The following GANC variants were observed in gnomAD, a reference collection of about 807,000 sequenced individuals.
GANC encodes neutral alpha-glucosidase C.
Under a neutral mutation model 124.2 loss-of-function variants are expected in GANC, and 117 were observed. The ratio of observed to expected loss-of-function variants is 0.94; its 90% CI spans 0.81 to 1.10. The LOEUF (loss-of-function observed/expected upper bound fraction) is 1.10, where lower values mean the gene tolerates loss of function less well. GANC is among the 50% of genes least tolerant of loss of function. GANC has a pLI of 0.00. For synonymous variants in GANC, 377 were observed against 376.8 expected (o/e 1.00, Z -0.01); for missense variants, 1,140 against 1,095.0 (o/e 1.04, Z -0.58).
chr15:42,296,721 A>G (rs1433158552), intron 5 of GANC, among the ~76,000 whole-genome samples: 1 of 152,118 alleles, frequency 6.6e-6, no homozygotes. Flanking sequence ...GGATTCCCAC[A>G]TATGTATGAA....
intron 12 of GANC, among the ~76,000 whole-genome samples, chr15:42,327,093 A>T (rs1022539915): frequency 1.3e-5 from 2 of 152,086 alleles, no homozygotes; most frequent in African/African-American, 4.8e-5. Context: ...TCCTTGGGCT[A>T]TATTAGGCCA....
At position 42,276,369 on chromosome 15, in the gene GANC, TA is replaced by T; in HGVS notation, c.56del (p.Asn19ThrfsTer59). On this transcript the variant is annotated frameshift_variant, in exon 2 of 24. Transcript: ENST00000318010. LOFTEE classifies it high-confidence loss of function. ...EISLEDEAVD[K>X]NIFRDCNKIA... Reference sequence around the variant, plus strand: ...TTAGTCTTGAAGATGAAGCTGTAGATAAAAACATTTTCAGAGACTGTAACAA... The same window carrying T: ...TTAGTCTTGAAGATGAAGCTGTAGATAAAACATTTTCAGAGACTGTAACAA... 3 of 1,459,392 alleles carry T rather than the reference TA, an allele frequency of 2.1e-6. No individual in the cohort carries two copies. The highest frequency in any genetic ancestry group is 2.9e-6 in the Non-Finnish European group (3 of 1,041,916). The allele number at this position is 1,459,392 out of a possible 1,614,324, so 90.4% of individuals were successfully genotyped here. A position where few individuals can be genotyped will look rare whatever the true frequency, so the allele number is the denominator to read the frequency against.
intron 5 of GANC, among the ~76,000 whole-genome samples, chr15:42,296,829 C>CA (rs768694871): frequency 1.1e-4 from 17 of 149,364 alleles, no homozygotes; most frequent in Non-Finnish European, 2.2e-4. Flanking sequence ...ATTTTTCACT[C>CA]AAATATTTTT....
At chr15:42,300,572 A>G (rs1331171848) in intron 6 of GANC, among the ~76,000 whole-genome samples, 1 of 152,230 alleles carries the variant, frequency 6.6e-6, no homozygotes, top group East Asian at 1.9e-4. Context: ...CAGAAATACC[A>G]TTTGGCCCAG....
chr15:42,287,395 CCTGT>C (rs1374943898), intron 3 of GANC, among the ~76,000 whole-genome samples: 1 of 152,126 alleles, frequency 6.6e-6, no homozygotes, highest in Non-Finnish European at 1.5e-5. Context: ...TCAGTTTATG[CCTGT>C]CTTTCAGTGT....
rs998364074 is a variant in GANC, at chr15:42,274,276, A to G, written c.-206A>G. ...ACAAATTTGCCAAATAAATCATTGTAGAAACGCTAGTTTGGGCCTGAAAAA... is the reference window on the plus strand; with the variant it reads ...ACAAATTTGCCAAATAAATCATTGTGGAAACGCTAGTTTGGGCCTGAAAAA... On this transcript the variant is annotated 5_prime_UTR_variant, in exon 1 of 24. Transcript: ENST00000318010. The G allele has an allele frequency of 3.3e-6, 2 of 602,276 alleles. No individual in the cohort carries two copies. The highest frequency in any genetic ancestry group is 5.9e-6 in the Non-Finnish European group (2 of 338,446). The allele number at this position is 602,276 out of a possible 1,614,324, so 37.3% of individuals were successfully genotyped here. A position where few individuals can be genotyped will look rare whatever the true frequency, so the allele number is the denominator to read the frequency against.
intron 3 of GANC, 34 bp from the exon 4 acceptor site, chr15:42,287,657 C>T: frequency 6.3e-7 from 1 of 1,590,690 alleles, no homozygotes; most frequent in Non-Finnish European, 8.5e-7. Context: ...ACTTGGGTAA[C>T]CTGTTGAAGG....
chr15:42,334,214 T>C (rs982419025), intron 15 of GANC, among the ~76,000 whole-genome samples: 1 of 151,716 alleles, frequency 6.6e-6, no homozygotes, highest in Non-Finnish European at 1.5e-5. Context: ...CAGGCTGGAA[T>C]GCAATGGCAT....
At chr15:42,351,180 A>G (rs181659214) in intron 22 of GANC, 149 bp from the exon 23 acceptor site, 200 of 579,638 alleles carry the variant, frequency 3.5e-4, no homozygotes, top group Middle Eastern at 3.2e-3. Context: ...GTCTTTTATT[A>G]TCTCTTCATC....
At chr15:42,343,387 A>G in intron 19 of GANC, 1 of 505,650 alleles carries the variant, frequency 2.0e-6, no homozygotes, top group Non-Finnish European at 3.6e-6. Context: ...AATGATTTTT[A>G]GTCTTCACAC....
chr15:42,274,555 G>C, intron 1 of GANC, 45 bp downstream of exon 1: 5 of 1,556,158 alleles, frequency 3.2e-6, no homozygotes, highest in Non-Finnish European at 4.4e-6. Flanking sequence ...AGGGTCCCTA[G>C]AAACAGGGAA....
chr15:42,346,622 T>C (rs1427015424), intron 20 of GANC, among the ~76,000 whole-genome samples: 1 of 152,224 alleles, frequency 6.6e-6, no homozygotes, highest in Non-Finnish European at 1.5e-5. Flanking sequence ...CCCGTATGTT[T>C]ACATTTGTGT....
At chr15:42,277,971 A>G in intron 2 of GANC, 1 of 205,100 alleles carries the variant, frequency 4.9e-6, no homozygotes. Context: ...TGAAATAATC[A>G]AAAATTGTAT....
intron 6 of GANC, among the ~76,000 whole-genome samples, chr15:42,302,852 A>C (rs928962129): frequency 6.6e-6 from 1 of 152,208 alleles, no homozygotes; most frequent in Non-Finnish European, 1.5e-5. Context: ...ATATGGGACT[A>C]TGTGAAAAGG....
In GANC at chr15:42,353,099, C is replaced by T. The variant is rs1332422768; in HGVS notation, c.*960C>T. 1.0e-6 allele frequency: 1 copy of T among 984,858 alleles called. No individual in the cohort carries two copies. Among genetic ancestry groups the T allele is most frequent in the South Asian group, 4.7e-5 (1 of 21,252 alleles). 61.0% of individuals were successfully genotyped at this position (984,858 alleles called of 1,614,324 possible). A position where few individuals can be genotyped will look rare whatever the true frequency, so the allele number is the denominator to read the frequency against. On this transcript the variant is annotated 3_prime_UTR_variant, in exon 24 of 24. Coordinates refer to ENST00000318010, the MANE Select transcript of GANC (RefSeq NM_198141.3). ...GTATTACTGAGTTTTCCTTTTGTCC[C>T]AGGCTCTAATATGGCTTGGCATGGG...
chr15:42,313,976 C>CAACAACAACAAT (rs1338361477), intron 10 of GANC: 1 of 662,170 alleles, frequency 1.5e-6, no homozygotes, highest in Non-Finnish European at 2.7e-6. Context: ...ACAACAACAA[C>CAACAACAACAAT]AAAATTAATG....
chr15:42,327,465 T>C, intron 13 of GANC, 23 bp downstream of exon 13: 1 of 1,534,974 alleles, frequency 6.5e-7, no homozygotes, highest in Non-Finnish European at 9.0e-7. Context: ...TCCTTTGTTC[T>C]TTTCTAGTTA....
intron 5 of GANC, among the ~76,000 whole-genome samples, chr15:42,296,973 T>C (rs1276987323): frequency 6.6e-6 from 1 of 152,064 alleles, no homozygotes; most frequent in Admixed American, 6.6e-5. Context: ...TCTACAATTT[T>C]AGATTGGCAA....
At chr15:42,307,847 A>G (rs188308458) in intron 7 of GANC, among the ~76,000 whole-genome samples, 10 of 152,306 alleles carry the variant, frequency 6.6e-5, no homozygotes, top group Admixed American at 5.2e-4. Context: ...CTGAAAGTGC[A>G]CAATATCCTT....
Sources: allele counts gnomAD v4.1 joint callset (sites outside exome capture counted in the v4.1 genomes callset), GRCh38; gene constraint gnomAD v4.1.1; transcripts MANE v1.5; gene names NCBI Gene and HGNC (gene_info 2026-07-23, HGNC 2026-07-21).